Variants in ARHGAP33 observed in about 807,000 individuals in gnomAD.
ARHGAP33 encodes rho GTPase-activating protein 33.
A neutral mutation model predicts 126.2 loss-of-function variants in ARHGAP33; 57 were observed. The observed-to-expected ratio is 0.45, with a 90% CI of 0.36 to 0.56. ARHGAP33 has a LOEUF of 0.56. Among genes scored for constraint, ARHGAP33 ranks in the 20% least tolerant of loss-of-function variants. The probability of loss-of-function intolerance (pLI) is 0.00; values close to 1 mark genes in which losing one functional copy is unlikely to be tolerated. For missense variants in ARHGAP33, 1,500 were observed against 1,748.3 expected (o/e 0.86, Z 2.53); for synonymous variants, 711 against 755.0 (o/e 0.94, Z 0.95).
In ARHGAP33 at chr19:35,781,081, G is replaced by T. The variant is rs765284702; in HGVS notation, c.982+9G>T. The T allele has an allele frequency of 2.5e-6, 4 of 1,611,376 alleles. No individual in the cohort carries two copies. Among genetic ancestry groups the T allele is most frequent in the Non-Finnish European group, 3.4e-6 (4 of 1,179,542 alleles). ...CAACTCAGGCCAGGATGGTGAGGCCGGGGCCCACCCACCCCACCCGTCACA... is the reference window on the plus strand; with the variant it reads ...CAACTCAGGCCAGGATGGTGAGGCCTGGGCCCACCCACCCCACCCGTCACA... On this transcript the variant is annotated intron_variant, in intron 11 of 20. Coordinates refer to ENST00000007510, the MANE Select transcript of ARHGAP33 (RefSeq NM_001366178.1).
At chr19:35,784,686 C>T (rs1972005644) in intron 16 of ARHGAP33, 2 of 1,250,150 alleles carry the variant, frequency 1.6e-6, no homozygotes, top group Non-Finnish European at 2.0e-6. Flanking sequence ...CTCAGCACGT[C>T]GGAGGGCCCT....
chr19:35,788,518 C>A lies in ARHGAP33; in HGVS notation c.*89C>A. 1 of 1,194,258 alleles carries A rather than the reference C, an allele frequency of 8.4e-7. No homozygotes were observed. Among genetic ancestry groups the A allele is most frequent in the Non-Finnish European group, 1.1e-6 (1 of 883,182 alleles). 74.0% of individuals were successfully genotyped at this position (1,194,258 alleles called of 1,614,324 possible). A position where few individuals can be genotyped will look rare whatever the true frequency, so the allele number is the denominator to read the frequency against. On this transcript the variant is annotated 3_prime_UTR_variant, in exon 21 of 21. Transcript: ENST00000007510. ...TCCCTTGTTTTGTATTTTCTTGAACCCCGACCACTACCCCAGGTTTCTAAC... is the reference window on the plus strand; with the variant it reads ...TCCCTTGTTTTGTATTTTCTTGAACACCGACCACTACCCCAGGTTTCTAAC...
Position 35,788,399 on chromosome 19 carries a change from C to T in ARHGAP33, c.3834C>T (p.His1278=). 6.3e-7 allele frequency: 1 copy of T among 1,580,578 alleles called. No individual in the cohort carries two copies. ...PPYPTPSWSL[H]SEGQTRSYC ...ACCCCACTCCCAGCTGGTCCCTCCA[C>T]TCTGAGGGCCAGACCCGAAGCTACT... The change falls in exon 21 of 21, where the codon CAC becomes CAT. Residue 1278 remains histidine (H), a synonymous_variant. Transcript: ENST00000007510.
At position 35,787,422 on chromosome 19, in the gene ARHGAP33, C is replaced by T. The variant is rs1972179592; in HGVS notation, c.2857C>T (p.Pro953Ser). Reference protein sequence around the residue: ...PLGTSGSGPPPNSLAHPGAWV... With the variant: ...PLGTSGSGPPSNSLAHPGAWV... ...GGGGACCTCAGGGAGTGGGCCACCT[C>T]CCAACTCCCTAGCACACCCGGGTGC... Residue 953 changes from proline (P) to serine (S), a missense_variant, in exon 21 of 21, where the codon CCC (proline) becomes TCC (serine). Physicochemically the swap from Pro to Ser is moderately conservative, Grantham distance 74 (BLOSUM62 -1). Transcript: ENST00000007510. 6.2e-7 allele frequency: 1 copy of T among 1,611,458 alleles called. No individual in the cohort carries two copies. Among genetic ancestry groups the T allele is most frequent in the South Asian group, 1.1e-5 (1 of 90,934 alleles).
intron 1 of ARHGAP33, 130 bp downstream of exon 1, chr19:35,775,794 G>T: frequency 1.1e-6 from 1 of 920,824 alleles, no homozygotes; most frequent in Non-Finnish European, 1.5e-6. Context: ...GGTCCCTCCC[G>T]TCCTGCGGCC....
rs1223790361 is a variant in ARHGAP33, at chr19:35,788,467, C to T, written c.*38C>T. On this transcript the variant is annotated 3_prime_UTR_variant, in exon 21 of 21. Coordinates refer to ENST00000007510, the MANE Select transcript of ARHGAP33 (RefSeq NM_001366178.1). The stretch of plus-strand genomic sequence containing the variant: ...AGGGGCCGTCCTTCCTTCCCTTCAC[C>T]CTCACTGGATCTTGGCCCAACCAAA... 1.0e-5 allele frequency: 15 copies of T among 1,469,820 alleles called. No individual in the cohort carries two copies. The highest frequency in any genetic ancestry group is 1.3e-5 in the Non-Finnish European group (14 of 1,105,626). 91.0% of individuals were successfully genotyped at this position (1,469,820 alleles called of 1,614,324 possible).
intron 16 of ARHGAP33, chr19:35,784,625 C>A: frequency 7.7e-7 from 1 of 1,291,206 alleles, no homozygotes; most frequent in Non-Finnish European, 9.8e-7. Flanking sequence ...TGACCCCGCC[C>A]CGGCCCCACC....
chr19:35,780,021 T>C, intron 6 of ARHGAP33, 190 bp from the exon 7 acceptor site: 1 of 816,654 alleles, frequency 1.2e-6, no homozygotes, highest in Non-Finnish European at 2.1e-6. Context: ...TCTTAGAGGT[T>C]TCCCCACCCG....
Position 35,785,101 on chromosome 19 carries a change from G to A in ARHGAP33, c.1716G>A (p.Ala572=), listed in dbSNP as rs570507527. Residue 572 remains alanine, a synonymous_variant, in exon 17 of 21, where the codon GCG becomes GCA. Transcript: ENST00000007510. The part of the protein sequence containing the change: ...PTTPKAPASP[A]ERRKGERGEK... ...CTCCCAAGGCCCCGGCCTCACCTGC[G>A]GAAAGGTGAGTGGGATGCTGGGGGT... 2.9e-4 allele frequency: 464 copies of A among 1,590,308 alleles called. 1 individual carries two copies. Among genetic ancestry groups the A allele is most frequent in the Non-Finnish European group, 3.6e-4 (426 of 1,167,296 alleles).
chr19:35,784,949 C>T lies in ARHGAP33; in HGVS notation c.1568-4C>T. On this transcript the variant is annotated splice_region_variant and splice_polypyrimidine_tract_variant and intron_variant, in intron 16 of 20. Coordinates refer to ENST00000007510, the MANE Select transcript of ARHGAP33 (RefSeq NM_001366178.1). ...GACAGCTGCCCCCTTTCCACACTCC[C>T]CAGGCCGCTGCCTGCTCCCCAGGCC... 1 of 1,538,304 alleles carries T rather than the reference C, an allele frequency of 6.5e-7. No homozygotes were observed. The highest frequency in any genetic ancestry group is 8.7e-7 in the Non-Finnish European group (1 of 1,145,676).
chr19:35,787,870 G>A lies in ARHGAP33; in HGVS notation c.3305G>A (p.Arg1102His), dbSNP rs755309814. 1.4e-5 allele frequency: 23 copies of A among 1,603,566 alleles called. No individual in the cohort carries two copies. The highest frequency in any genetic ancestry group is 3.3e-5 in the South Asian group (3 of 90,356). Residue 1102 changes from arginine (R) to histidine (H), a missense_variant, in exon 21 of 21, where the codon CGC (arginine) becomes CAC (histidine). By Grantham distance (29) the Arg-to-His change is conservative (BLOSUM62 0). Transcript: ENST00000007510. ...GGGTCCCCCTATTCTGGCCCCACCC[G>A]CTCCTGGAGTCCCTTTCGCTCCATG... ...SEGSPYSGPT[R>H]SWSPFRSMPP... is the part of the protein sequence containing the mutation.
chr19:35,778,204 C>G (rs966583560), intron 3 of ARHGAP33, 76 bp from the exon 4 acceptor site: 1 of 1,497,654 alleles, frequency 6.7e-7, no homozygotes, highest in South Asian at 1.1e-5. Flanking sequence ...GTCACAAACC[C>G]GTCCCTAGAT....
chr19:35,781,599 T>G (rs988206045), intron 12 of ARHGAP33, among the ~76,000 whole-genome samples: 5 of 151,672 alleles, frequency 3.3e-5, no homozygotes, highest in Non-Finnish European at 7.4e-5. Flanking sequence ...GAAAACAGAT[T>G]GGGGTAAGGA....
chr19:35,786,168 G>A lies in ARHGAP33; in HGVS notation c.1943-245G>A. 7.2e-7 allele frequency: 1 copy of A among 1,381,562 alleles called. No homozygotes were observed. Among genetic ancestry groups the A allele is most frequent in the Non-Finnish European group, 9.3e-7 (1 of 1,071,896 alleles). 85.6% of individuals were successfully genotyped at this position (1,381,562 alleles called of 1,614,324 possible). On this transcript the variant is annotated intron_variant, in intron 19 of 20. Transcript: ENST00000007510. This position sits in a 1 kb window ranked among gnomAD's most constrained non-coding sequence, Gnocchi z 7.0. ...CCAGGAGCCCAGGTGCTGTCCTGCTGGCTCAGCAGCTGTATGTGAATCTGT... is the reference window on the plus strand; with the variant it reads ...CCAGGAGCCCAGGTGCTGTCCTGCTAGCTCAGCAGCTGTATGTGAATCTGT...
rs1971411274 is a variant in ARHGAP33, at chr19:35,775,622, G to A, written c.-37G>A. The A allele has an allele frequency of 6.6e-7, 1 of 1,515,516 alleles. No individual in the cohort carries two copies. Among genetic ancestry groups the A allele is most frequent in the Non-Finnish European group, 8.8e-7 (1 of 1,137,194 alleles). 93.9% of individuals were successfully genotyped at this position (1,515,516 alleles called of 1,614,324 possible). A position where few individuals can be genotyped will look rare whatever the true frequency, so the allele number is the denominator to read the frequency against. On this transcript the variant is annotated 5_prime_UTR_variant, in exon 1 of 21. Transcript: ENST00000007510. Reference sequence around the variant, plus strand: ...CGGCGACGAGAACGGCGAGCGAGGGGTCGAGCGCGGCCGGGGCCTGAGGAG... The same window carrying A: ...CGGCGACGAGAACGGCGAGCGAGGGATCGAGCGCGGCCGGGGCCTGAGGAG...
At chr19:35,779,209 C>T (rs1353320828) in intron 6 of ARHGAP33, 85 bp downstream of exon 6, 1 of 1,091,626 alleles carries the variant, frequency 9.2e-7, no homozygotes, top group Admixed American at 2.6e-5. Context: ...TGTGTGTGGG[C>T]ATAGAAAAGA....
chr19:35,787,726 C>A lies in ARHGAP33; in HGVS notation c.3161C>A (p.Pro1054His). Residue 1054 changes from proline (P) to histidine (H), a missense_variant, in exon 21 of 21, where the codon CCC becomes CAC. By Grantham distance (77) the Pro-to-His change is moderately conservative (BLOSUM62 -2). Transcript: ENST00000007510. ...GGGGTCCCCAAGCCAGGCTTGTACC[C>A]CCTGGGCCCCCCATCCTTCCAGCCC... is the stretch of plus-strand genomic sequence containing the variant. ...FLGVPKPGLY[P>H]LGPPSFQPSS... is the part of the protein sequence containing the mutation. The A allele has an allele frequency of 1.9e-6, 3 of 1,587,310 alleles. No homozygotes were observed. The South Asian group carries it at 3.4e-5, about 18-fold the overall frequency.
In ARHGAP33 at chr19:35,778,433, C is replaced by T. The variant is rs749514446; in HGVS notation, c.271-31C>T. On this transcript the variant is annotated intron_variant, in intron 4 of 20. Transcript: ENST00000007510. Reference sequence around the variant, plus strand: ...GTCCTCAGCTCGGTGTCATGGGGCCCCTGCTCCCTTCTGTCCCTCTGCTCC... The same window carrying T: ...GTCCTCAGCTCGGTGTCATGGGGCCTCTGCTCCCTTCTGTCCCTCTGCTCC... The T allele has an allele frequency of 3.1e-6, 5 of 1,614,008 alleles. No homozygotes were observed. The African/African-American group carries it at 6.7e-5, about 22-fold the overall frequency.
At chr19:35,778,625 C>T (rs1157292986) in intron 5 of ARHGAP33, 24 bp downstream of exon 5, 2 of 1,607,134 alleles carry the variant, frequency 1.2e-6, no homozygotes, top group Non-Finnish European at 1.7e-6. Flanking sequence ...TGTCTCAGCC[C>T]CTGCCTCATG....
Sources: allele counts gnomAD v4.1 joint callset (sites outside exome capture counted in the v4.1 genomes callset), GRCh38; gene constraint gnomAD v4.1.1; non-coding constraint Gnocchi (gnomAD v3.1); transcripts MANE v1.5; gene names NCBI Gene and HGNC (gene_info 2026-07-23, HGNC 2026-07-21).